Variants in ECHDC2 observed in about 807,000 individuals in gnomAD.
ECHDC2 encodes enoyl-CoA hydratase domain containing 2, also known as enoyl-CoA hydratase domain-containing protein 2, mitochondrial.
A neutral mutation model predicts 40.6 loss-of-function variants in ECHDC2; 34 were observed. The observed-to-expected ratio is 0.84, with a 90% CI of 0.64 to 1.11. ECHDC2 has a LOEUF of 1.11. ECHDC2 is among the 50% of genes most tolerant of loss of function. ECHDC2 has a pLI of 0.00. For missense variants in ECHDC2, 392 were observed against 400.7 expected (o/e 0.98, Z 0.19); for synonymous variants, 162 against 166.6 (o/e 0.97, Z 0.21).
rs776957819 is a variant in ECHDC2, at chr1:52,908,003, C to T, written c.278-49G>A. 3.1e-5 allele frequency: 48 copies of T among 1,569,560 alleles called. No individual in the cohort carries two copies. The Middle Eastern group carries it at 6.7e-4, about 22-fold the overall frequency. On this transcript the variant is annotated intron_variant, in intron 3 of 9. Coordinates refer to ENST00000371522, the MANE Select transcript of ECHDC2 (RefSeq NM_001198961.2). The stretch of plus-strand genomic sequence containing the variant: ...CAGCCCTTAGGAAAATGGCACTTTA[C>T]GGAATCCCAGGCGGTTAAAGGATCC...
At chr1:52,899,066 G>A in intron 8 of ECHDC2, 108 bp downstream of exon 8, 1 of 1,123,042 alleles carries the variant, frequency 8.9e-7, no homozygotes, top group Non-Finnish European at 1.4e-6. Context: ...TGTTAGAAGA[G>A]TCCACTTCCT....
chr1:52,912,398 A>C (rs539062999), intron 1 of ECHDC2, among the ~76,000 whole-genome samples: 1 of 151,910 alleles, frequency 6.6e-6, no homozygotes, highest in East Asian at 1.9e-4. Flanking sequence ...TGTAGGAACG[A>C]GGTTTTGCCA....
chr1:52,906,755 A>G, intron 4 of ECHDC2, 144 bp from the exon 5 acceptor site: 1 of 502,698 alleles, frequency 2.0e-6, no homozygotes, highest in Admixed American at 3.6e-5. Flanking sequence ...CAGCCAGGTT[A>G]TCTTAATTCT....
At chr1:52,918,118 G>C (rs185891517) in intron 1 of ECHDC2, among the ~76,000 whole-genome samples, 1 of 152,088 alleles carries the variant, frequency 6.6e-6, no homozygotes, top group Non-Finnish European at 1.5e-5. Flanking sequence ...TGACCTCCCC[G>C]GCTCAAGCCA....
chr1:52,912,356 C>T (rs1363867655), intron 1 of ECHDC2: 5 of 153,526 alleles, frequency 3.3e-5, no homozygotes, highest in African/African-American at 4.8e-5. Flanking sequence ...TATAAGCATG[C>T]GCCATTACAC....
intron 1 of ECHDC2, chr1:52,915,403 G>C (rs1399266397): frequency 6.6e-6 from 3 of 454,472 alleles, no homozygotes; most frequent in Non-Finnish European, 1.3e-5. Context: ...GTTCAGCCAG[G>C]AATTACAGAA....
At chr1:52,910,620 C>A (rs1420777754) in intron 3 of ECHDC2, among the ~76,000 whole-genome samples, 1 of 152,048 alleles carries the variant, frequency 6.6e-6, no homozygotes, top group Non-Finnish European at 1.5e-5. Flanking sequence ...CCACACACCT[C>A]GGCCTCCCAA....
intron 3 of ECHDC2, among the ~76,000 whole-genome samples, chr1:52,911,091 C>T (rs1272883309): frequency 1.3e-5 from 2 of 152,162 alleles, no homozygotes; most frequent in Non-Finnish European, 2.9e-5. Flanking sequence ...ATTCTCCTGC[C>T]TCAGCCTCCT....
intron 5 of ECHDC2, chr1:52,905,678 C>T (rs144986540): frequency 1.9e-4 from 31 of 159,072 alleles, no homozygotes; most frequent in Non-Finnish European, 3.9e-4. Context: ...TGAATTCCCT[C>T]AGCATGGACC....
At position 52,911,592 on chromosome 1, in the gene ECHDC2, C is replaced by T. The variant is rs758538584; in HGVS notation, c.251G>A (p.Ser84Asn). 2 of 1,613,924 alleles carry T rather than the reference C, an allele frequency of 1.2e-6. No homozygotes were observed. Among genetic ancestry groups the T allele is most frequent in the African/African-American group, 1.3e-5 (1 of 74,910 alleles). Residue 84 changes from serine to asparagine, a missense_variant, in exon 3 of 10, where the codon AGT (serine) becomes AAT (asparagine). By Grantham distance (46) the Ser-to-Asn change is conservative. Coordinates refer to ENST00000371522, the MANE Select transcript of ECHDC2 (RefSeq NM_001198961.2). ...DRQVRVLLFR[S>N]GVKGVFCAGA... is the part of the protein sequence containing the mutation. The stretch of plus-strand genomic sequence containing the variant: ...TGCACAGAACACGCCCTTCACTCCA[C>T]TTCTGAAGAGCAGGACACGCACTTG...
At chr1:52,917,309 C>T (rs538642472) in intron 1 of ECHDC2, among the ~76,000 whole-genome samples, 9 of 151,806 alleles carry the variant, frequency 5.9e-5, no homozygotes, top group African/African-American at 1.7e-4. Flanking sequence ...AGGAAACTGA[C>T]GCCCGGAAAC....
rs1646968623 is a variant in ECHDC2, at chr1:52,901,170, A to G, written c.703-1946T>C. On this transcript the variant is annotated intron_variant, in intron 7 of 9. Coordinates refer to ENST00000371522, the MANE Select transcript of ECHDC2 (RefSeq NM_001198961.2). ...CAGACCCTGTCTCAAAAATAAATAA[A>G]TAAATAAATAAATAAATAAATAAAG... 3 of 151,606 alleles carry G rather than the reference A, an allele frequency of 2.0e-5. No homozygotes were observed. In the South Asian group the frequency reaches 6.3e-4, roughly 32 times the overall value. 9.4% of individuals were successfully genotyped at this position (151,606 alleles called of 1,614,324 possible).
At chr1:52,913,955 C>T (rs181123025) in intron 1 of ECHDC2, 235 of 1,177,686 alleles carry the variant, frequency 2.0e-4, no homozygotes, top group Middle Eastern at 2.4e-4. Flanking sequence ...ATTTTAAGTG[C>T]GTAAGTTCCT....
chr1:52,906,448 C>G, intron 5 of ECHDC2, 71 bp downstream of exon 5: 2 of 1,283,106 alleles, frequency 1.6e-6, no homozygotes, highest in South Asian at 2.5e-5. Flanking sequence ...TGCAGAATGT[C>G]CAGACTCACC....
At chr1:52,906,326 T>C (rs916773867) in intron 5 of ECHDC2, 193 bp downstream of exon 5, 1 of 683,360 alleles carries the variant, frequency 1.5e-6, no homozygotes, top group African/African-American at 1.8e-5. Flanking sequence ...TCACAGATAC[T>C]ACAGCAGCTA....
intron 8 of ECHDC2, 132 bp from the exon 9 acceptor site, chr1:52,897,616 G>A (rs1217396850): frequency 1.2e-6 from 1 of 851,700 alleles, no homozygotes; most frequent in Non-Finnish European, 2.0e-6. Flanking sequence ...TTCCCTCCTA[G>A]AGAAGAAACA....
At chr1:52,921,276 G>A (rs763027317) in intron 1 of ECHDC2, 1 of 541,004 alleles carries the variant, frequency 1.8e-6, no homozygotes, top group Non-Finnish European at 2.8e-6. Flanking sequence ...AGTCCTACCC[G>A]TGCGGACCCC....
rs757757299 is a variant in ECHDC2 at position 52,921,665 on chromosome 1, G to A, written c.9C>T (p.Arg3=). ...TCCAGGGGCGCAGGAGGCACAGAAC[G>A]CGCAGCATCGGGGCGCAGGCTGGGA... ML[R]VLCLLRPWRP... The change falls in exon 1 of 10, where the codon CGC becomes CGT. Residue 3 remains arginine (R), a synonymous_variant. Transcript: ENST00000371522. 4 of 1,571,086 alleles carry A rather than the reference G, an allele frequency of 2.5e-6. No individual in the cohort carries two copies. Among genetic ancestry groups the A allele is most frequent in the Admixed American group, 3.7e-5 (2 of 54,274 alleles).
chr1:52,898,880 C>T (rs1357697962), intron 8 of ECHDC2: 50 of 486,398 alleles, frequency 1.0e-4, no homozygotes, highest in South Asian at 9.5e-4. Flanking sequence ...CACACAGACC[C>T]GGGTTCTTTC....
Sources: allele counts gnomAD v4.1 joint callset (sites outside exome capture counted in the v4.1 genomes callset), GRCh38; gene constraint gnomAD v4.1.1; transcripts MANE v1.5; gene names NCBI Gene and HGNC (gene_info 2026-07-23, HGNC 2026-07-21).